Variants in ASIC2 observed in about 807,000 individuals in gnomAD.
The protein encoded by ASIC2 is acid-sensing ion channel 2.
ASIC2 carries 25 observed loss-of-function variants against 57.3 expected under a neutral mutation model. That is an observed-to-expected ratio of 0.44 (90% CI 0.32 to 0.61). The LOEUF (loss-of-function observed/expected upper bound fraction) is 0.61. ASIC2 is among the 20% of genes least tolerant of loss of function. The pLI is 0.06. For synonymous variants in ASIC2, 319 were observed against 307.5 expected, an observed-to-expected ratio of 1.04 and a Z score of -0.39; for missense variants, 641 against 738.1, an observed-to-expected ratio of 0.87 and a Z score of 1.52.
rs192824580 is a variant in ASIC2, at chr17:33,380,201, G to A, written c.556-268134C>T. On this transcript the variant is annotated intron_variant, in intron 1 of 9. Transcript: ENST00000359872. Reference sequence around the variant, plus strand: ...GCAGAAGTTGCAGTTAGGTGACATCGCGCCACTGCACTCCAGCCCAAGCAA... The same window carrying A: ...GCAGAAGTTGCAGTTAGGTGACATCACGCCACTGCACTCCAGCCCAAGCAA... Among the ~76,000 whole-genome samples, 587 of 128,504 alleles carry A rather than the reference G, an allele frequency of 4.6e-3. 1 individual carries two copies. The highest frequency in any genetic ancestry group is 8.7e-3 in the Admixed American group (90 of 10,292). The allele number at this position is 128,504 out of a possible 152,430, so 84.3% of individuals were successfully genotyped here.
chr17:34,077,951 G>A (rs1334825294), intron 1 of ASIC2, among the ~76,000 whole-genome samples: 1 of 152,036 alleles, frequency 6.6e-6, no homozygotes, highest in East Asian at 1.9e-4. Context: ...CTTCCTCCAG[G>A]ACATCCTGGG....
At chr17:33,703,337 C>CTGTTGTTGT (rs201321581) in intron 1 of ASIC2, among the ~76,000 whole-genome samples, 30 of 127,376 alleles carry the variant, frequency 2.4e-4, no homozygotes, top group African/African-American at 8.7e-4. Flanking sequence ...TTTTTTGTTG[C>CTGTTGTTGT]TGTTGTTGTT....
At chr17:34,075,567 AC>A (rs1223396390) in intron 1 of ASIC2, among the ~76,000 whole-genome samples, 1 of 152,114 alleles carries the variant, frequency 6.6e-6, no homozygotes, top group African/African-American at 2.4e-5. Flanking sequence ...GGAGCTGAAA[AC>A]CATTAGCCTT....
chr17:33,373,651 A>G (rs1909168647), intron 1 of ASIC2, among the ~76,000 whole-genome samples: 1 of 150,570 alleles, frequency 6.6e-6, no homozygotes, highest in Non-Finnish European at 1.5e-5. Context: ...TGTAGATAAC[A>G]TCACTATTAT....
At chr17:33,495,405 C>T (rs1014923283) in intron 1 of ASIC2, among the ~76,000 whole-genome samples, 16 of 152,190 alleles carry the variant, frequency 1.1e-4, no homozygotes, top group Non-Finnish European at 1.6e-4. Flanking sequence ...CAACTCCCAT[C>T]GTTATTCTCA....
At chr17:33,399,891 T>C (rs1160792548) in intron 1 of ASIC2, among the ~76,000 whole-genome samples, 8 of 152,134 alleles carry the variant, frequency 5.3e-5, no homozygotes, top group Non-Finnish European at 1.0e-4. Flanking sequence ...CCTCATTTCT[T>C]TGGGGAATAG....
intron 1 of ASIC2, chr17:34,037,647 C>A: frequency 6.2e-7 from 1 of 1,611,674 alleles, no homozygotes; most frequent in Non-Finnish European, 8.5e-7. Context: ...TTATTGGACG[C>A]CCCAGAGGTT....
At chr17:33,086,141 C>G (rs747575179) in intron 3 of ASIC2, among the ~76,000 whole-genome samples, 1 of 152,074 alleles carries the variant, frequency 6.6e-6, no homozygotes, top group African/African-American at 2.4e-5. Context: ...CCCACCCAGC[C>G]CAGAAATTTC....
At chr17:33,612,955 A>G (rs1201548716) in intron 1 of ASIC2, among the ~76,000 whole-genome samples, 2 of 152,212 alleles carry the variant, frequency 1.3e-5, no homozygotes, top group South Asian at 2.1e-4. Context: ...TTCACAGGCT[A>G]TAAGAGTTAA....
intron 1 of ASIC2, among the ~76,000 whole-genome samples, chr17:33,401,280 A>G (rs1269352748): frequency 6.6e-6 from 1 of 152,214 alleles, no homozygotes; most frequent in Non-Finnish European, 1.5e-5. Context: ...AGCACTACCA[A>G]TGTGTGCTTC....
intron 1 of ASIC2, among the ~76,000 whole-genome samples, chr17:33,588,964 T>A (rs1230340126): frequency 6.6e-6 from 1 of 152,224 alleles, no homozygotes; most frequent in East Asian, 1.9e-4. Context: ...AAGAATCAGA[T>A]AAATTTAAGA....
At position 33,292,753 on chromosome 17, in the gene ASIC2, G is replaced by A; in HGVS notation, c.-638C>T. 1 of 985,890 alleles carries A rather than the reference G, an allele frequency of 1.0e-6. No homozygotes were observed. The highest frequency in any genetic ancestry group is 1.7e-5 in the African/African-American group (1 of 57,338). The allele number at this position is 985,890 out of a possible 1,614,324, so 61.1% of individuals were successfully genotyped here. ...GGGGTGAGTGGTCGCCTTGCCGGCT[G>A]CCGCCTTCTTTCCCTTCCCCTCCAG... On this transcript the variant is annotated 5_prime_UTR_variant, in exon 1 of 10. Coordinates refer to ENST00000225823, the MANE Select transcript of ASIC2 (RefSeq NM_183377.2).
chr17:33,840,329 C>T (rs928958454), intron 1 of ASIC2, among the ~76,000 whole-genome samples: 2 of 152,068 alleles, frequency 1.3e-5, no homozygotes, highest in Admixed American at 1.3e-4. Flanking sequence ...TGAAACGTTT[C>T]TGGGGAGGGG....
intron 1 of ASIC2, among the ~76,000 whole-genome samples, chr17:34,015,068 CTTTTTTTTTT>C (rs776970617): frequency 1.5e-5 from 2 of 129,674 alleles, no homozygotes; most frequent in African/African-American, 2.9e-5. Context: ...TTTCTTCTGC[CTTTTTTTTTT>C]TTTTTTTTTT....
intron 1 of ASIC2, chr17:34,006,909 G>A (rs1906545151): frequency 6.6e-6 from 1 of 152,136 alleles, no homozygotes; most frequent in South Asian, 2.1e-4. Flanking sequence ...GGTCTACTCT[G>A]TCAGAACTGA....
chr17:33,387,713 T>A (rs923622279), intron 1 of ASIC2, among the ~76,000 whole-genome samples: 4 of 152,204 alleles, frequency 2.6e-5, no homozygotes, highest in African/African-American at 9.7e-5. Context: ...CGGAAAGCAA[T>A]CTTCTAAGAG....
intron 1 of ASIC2, among the ~76,000 whole-genome samples, chr17:33,210,255 A>T (rs1907220610): frequency 6.6e-6 from 1 of 152,228 alleles, no homozygotes; most frequent in Non-Finnish European, 1.5e-5. Context: ...GCTTCTATGA[A>T]GACTTTAAGC....
At chr17:33,044,614 G>A (rs2091944448) in intron 3 of ASIC2, among the ~76,000 whole-genome samples, 1 of 152,128 alleles carries the variant, frequency 6.6e-6, no homozygotes, top group African/African-American at 2.4e-5. Context: ...TGTCTGCTTT[G>A]GCCTCCCAAA....
intron 1 of ASIC2, among the ~76,000 whole-genome samples, chr17:33,196,926 G>C (rs1323260247): frequency 6.6e-6 from 1 of 152,240 alleles, no homozygotes; most frequent in East Asian, 1.9e-4. Context: ...GGAGGAAGCT[G>C]TCTGTCCCCT....
Sources: gnomAD v4.1 joint callset for allele counts (sites outside exome capture counted in the v4.1 genomes callset) on GRCh38, gnomAD v4.1.1 for gene constraint, MANE v1.5 for transcripts, NCBI Gene and HGNC (gene_info 2026-07-23, HGNC 2026-07-21) for gene names.